The following PRIM2 variants were observed in gnomAD, a reference collection of about 807,000 sequenced individuals.
PRIM2 encodes DNA primase subunit 2.
PRIM2 carries 39 observed loss-of-function variants against 67.3 expected under a neutral mutation model. That is an observed-to-expected ratio of 0.58 (90% CI 0.45 to 0.76). The LOEUF (loss-of-function observed/expected upper bound fraction) is 0.76. PRIM2 is among the 30% of genes least tolerant of loss of function. The pLI is 0.00. For missense variants in PRIM2, 398 were observed against 598.7 expected, an observed-to-expected ratio of 0.66 and a Z score of 3.50; for synonymous variants, 143 against 198.7, an observed-to-expected ratio of 0.72 and a Z score of 2.36.
chr6:57,410,850 T>G (rs1338588485), intron 7 of PRIM2, among the ~76,000 whole-genome samples: 2 of 152,138 alleles, frequency 1.3e-5, no homozygotes, highest in Non-Finnish European at 2.9e-5. Flanking sequence ...CACTATTAAG[T>G]GTGATATTAC....
the PRIM2 span, among the ~76,000 whole-genome samples, chr6:57,241,578 A>C: frequency 6.6e-6 from 1 of 152,112 alleles, no homozygotes; most frequent in Non-Finnish European, 1.5e-5. Context: ...TAAATACCAA[A>C]AGAAACCGAA....
In PRIM2 at chr6:57,621,537, A is replaced by T. The variant is rs1306009612; in HGVS notation, c.1231-10596A>T. Among the ~76,000 whole-genome samples the T allele has an allele frequency of 3.3e-5, 5 of 151,954 alleles. 1 individual carries two copies. On this transcript the variant is annotated intron_variant, in intron 12 of 13. Transcript: ENST00000615550. Reference sequence around the variant, plus strand: ...CTGGGGACTGTAACCTTTTATATGTATAACAGTTTTTAATATCAACTTAGC... The same window carrying T: ...CTGGGGACTGTAACCTTTTATATGTTTAACAGTTTTTAATATCAACTTAGC...
chr6:57,421,336 C>T (rs1276856688), intron 7 of PRIM2, among the ~76,000 whole-genome samples: 1 of 152,060 alleles, frequency 6.6e-6, no homozygotes, highest in Non-Finnish European at 1.5e-5. Flanking sequence ...AGACACAACC[C>T]CTATCTTTTT....
At chr6:57,374,710 C>T (rs1290244499) in intron 5 of PRIM2, among the ~76,000 whole-genome samples, 3 of 152,138 alleles carry the variant, frequency 2.0e-5, no homozygotes, top group African/African-American at 7.2e-5. Flanking sequence ...CCTGCCTCAG[C>T]CCACTGAGTA....
chr6:57,614,201 G>C (rs1776714250), intron 12 of PRIM2, among the ~76,000 whole-genome samples: 2 of 152,186 alleles, frequency 1.3e-5, no homozygotes, highest in Admixed American at 6.5e-5. Flanking sequence ...GTGCATGCGA[G>C]GGATCTAGGT....
intron 5 of PRIM2, among the ~76,000 whole-genome samples, chr6:57,348,396 T>G (rs9464446): frequency 2.6e-5 from 4 of 152,190 alleles, no homozygotes; most frequent in Non-Finnish European, 5.9e-5. Context: ...GCAGTAGATT[T>G]TGTACTTGAA....
At chr6:57,635,628 A>G (rs1462103381) in intron 13 of PRIM2, among the ~76,000 whole-genome samples, 1 of 152,134 alleles carries the variant, frequency 6.6e-6, no homozygotes, top group African/African-American at 2.4e-5. Context: ...CACCATATAA[A>G]TCTCTAGAGA....
chr6:57,567,867 C>T (rs1426757742), intron 10 of PRIM2, among the ~76,000 whole-genome samples: 187 of 152,232 alleles, frequency 1.2e-3, no homozygotes, highest in African/African-American at 4.2e-3. Context: ...TTTTTCCAGA[C>T]GTACTGCAGG....
At chr6:57,547,486 C>A (rs1775312393) in intron 10 of PRIM2, among the ~76,000 whole-genome samples, 1 of 152,170 alleles carries the variant, frequency 6.6e-6, no homozygotes, top group East Asian at 1.9e-4. Context: ...CATGCACAAA[C>A]CTCTATTTAA....
chr6:57,234,056 A>G, the PRIM2 span, among the ~76,000 whole-genome samples: 1 of 152,190 alleles, frequency 6.6e-6, no homozygotes, highest in African/African-American at 2.4e-5. Flanking sequence ...ATACATCTAT[A>G]TGTGATAAGT....
chr6:57,289,634 G>A, the PRIM2 span, among the ~76,000 whole-genome samples: 4 of 152,192 alleles, frequency 2.6e-5, no homozygotes, highest in African/African-American at 7.2e-5. Flanking sequence ...AGCCAGAAGA[G>A]AGTAGGGGCC....
chr6:57,309,121 T>G, the PRIM2 span, among the ~76,000 whole-genome samples: 13 of 151,722 alleles, frequency 8.6e-5, no homozygotes, highest in Admixed American at 8.5e-4. Flanking sequence ...TACTTGAGAT[T>G]AGGGAGTGGT....
chr6:57,471,322 G>A (rs1581938940), intron 7 of PRIM2, among the ~76,000 whole-genome samples: 1 of 152,272 alleles, frequency 6.6e-6, no homozygotes, highest in East Asian at 1.9e-4. Context: ...CAATAAAAAA[G>A]GGTGGTTGGT....
intron 5 of PRIM2, among the ~76,000 whole-genome samples, chr6:57,355,371 C>T (rs1012831629): frequency 3.3e-5 from 5 of 151,616 alleles, no homozygotes; most frequent in African/African-American, 7.3e-5. Flanking sequence ...AGGTATGCCA[C>T]GCTCCCTTTA....
At chr6:57,281,011 G>C in the PRIM2 span, among the ~76,000 whole-genome samples, 1 of 151,836 alleles carries the variant, frequency 6.6e-6, no homozygotes, top group Non-Finnish European at 1.5e-5. Flanking sequence ...CACTTTTTTA[G>C]CTCCTGCATA....
In PRIM2 at chr6:57,645,959, C is replaced by T. The variant is rs1777326884; in HGVS notation, c.1331C>T (p.Pro444Leu). 6.3e-7 allele frequency: 1 copy of T among 1,598,300 alleles called. No homozygotes were observed. The highest frequency in any genetic ancestry group is 8.6e-7 in the Non-Finnish European group (1 of 1,165,770). ...GATTGTGGCTTTTCTTTGAATCATC[C>T]TAATCAGTTCTTTTGTGAGAGCCAA... ...VDDCGFSLNH[P>L]NQFFCESQRI... Residue 444 changes from proline to leucine, a missense_variant, in exon 14 of 14, where the codon CCT becomes CTT. Pro to Leu is a moderately conservative substitution (Grantham distance 98). Coordinates refer to ENST00000615550, the MANE Select transcript of PRIM2 (RefSeq NM_000947.5).
chr6:57,460,868 T>C (rs1772981699), intron 7 of PRIM2, among the ~76,000 whole-genome samples: 1 of 152,248 alleles, frequency 6.6e-6, no homozygotes, highest in Non-Finnish European at 1.5e-5. Flanking sequence ...ACCTGAGCAA[T>C]GTTCCAGCTT....
At chr6:57,644,606 A>G (rs1777301303) in intron 13 of PRIM2, among the ~76,000 whole-genome samples, 1 of 152,238 alleles carries the variant, frequency 6.6e-6, no homozygotes, top group African/African-American at 2.4e-5. Context: ...TATCACTGGT[A>G]TACACTATTT....
At chr6:57,261,870 C>T in the PRIM2 span, among the ~76,000 whole-genome samples, 6 of 152,326 alleles carry the variant, frequency 3.9e-5, no homozygotes, top group African/African-American at 1.4e-4. Context: ...AGGTCTCTCT[C>T]TAGGAGTGGT....
Sources: gnomAD v4.1 joint callset for allele counts (sites outside exome capture counted in the v4.1 genomes callset) on GRCh38, gnomAD v4.1.1 for gene constraint, MANE v1.5 for transcripts, NCBI Gene and HGNC (gene_info 2026-07-23, HGNC 2026-07-21) for gene names.